The following CABLES2 variants were observed in gnomAD, a reference collection of about 807,000 sequenced individuals.
CABLES2 encodes CDK5 and ABL1 enzyme substrate 2.
Under a neutral mutation model 44.8 loss-of-function variants are expected in CABLES2, and 35 were observed. The ratio of observed to expected loss-of-function variants is 0.78; its 90% CI spans 0.60 to 1.04. The LOEUF is 1.04. CABLES2 is among the 50% of genes least tolerant of loss of function. The pLI, the probability that CABLES2 is intolerant of heterozygous loss-of-function variation, is 0.00. For synonymous variants in CABLES2, 282 were observed against 281.1 expected, an observed-to-expected ratio of 1.00 and a Z score of -0.03; for missense variants, 566 against 615.7, an observed-to-expected ratio of 0.92 and a Z score of 0.85.
chr20:62,391,009 C>T lies in CABLES2; in HGVS notation c.1399G>A (p.Val467Met), dbSNP rs1241484962. The change falls in exon 10 of 10, where the codon GTG (valine) becomes ATG (methionine). Residue 467 changes from valine to methionine, a missense_variant. Transcript: ENST00000279101. The surrounding 1 kb of genome is among the most constrained non-coding windows in gnomAD (Gnocchi z 5.7). ...GTGAGGCGCCTGTAATGAGGTAACA[C>T]TTGGTTCTCGGGAAGATACAGGGCC... is the stretch of plus-strand genomic sequence containing the variant. ...ELALYLPENQ[V>M]LPHYRRLTQQ... 1.2e-6 allele frequency: 2 copies of T among 1,614,030 alleles called. No homozygotes were observed. The highest frequency in any genetic ancestry group is 1.7e-6 in the Non-Finnish European group (2 of 1,180,038).
At chr20:62,401,556 T>C (rs1045311793) in intron 1 of CABLES2, among the ~76,000 whole-genome samples, 3 of 151,978 alleles carry the variant, frequency 2.0e-5, no homozygotes, top group African/African-American at 7.3e-5. Flanking sequence ...CCGGCAGACA[T>C]GGAGAGGATC....
intron 4 of CABLES2, among the ~76,000 whole-genome samples, chr20:62,394,630 C>T (rs990621209): frequency 2.0e-5 from 3 of 152,184 alleles, no homozygotes; most frequent in African/African-American, 4.8e-5. Flanking sequence ...CCCTGAATTA[C>T]GCACGGATAC....
chr20:62,398,549 TCTCCAGG>T, intron 1 of CABLES2, among the ~76,000 whole-genome samples: 1 of 152,164 alleles, frequency 6.6e-6, no homozygotes, highest in East Asian at 1.9e-4. Context: ...TTCTGGGAAC[TCTCCAGG>T]CTCCAGGCCA....
Position 62,390,575 on chromosome 20 carries a change from G to A in CABLES2, c.*396C>T, listed in dbSNP as rs1019345843. On this transcript the variant is annotated 3_prime_UTR_variant, in exon 10 of 10. Transcript: ENST00000279101. ...TAGAAACCCAGATCTCCACCCTGAC[G>A]CTGTGGTGGCTGCGGTGGTTTGCAG... 32 of 218,118 alleles carry A rather than the reference G, an allele frequency of 1.5e-4. No homozygotes were observed. The highest frequency in any genetic ancestry group is 6.7e-4 in the African/African-American group (30 of 44,750). 13.5% of individuals were successfully genotyped at this position (218,118 alleles called of 1,614,324 possible).
rs1248216551 is a variant in CABLES2 at position 62,407,142 on chromosome 20, G to T, written c.135C>A (p.Arg45=). The change falls in exon 1 of 10, where the codon CGC becomes CGA. Residue 45 remains arginine, a synonymous_variant. Coordinates refer to ENST00000279101, the MANE Select transcript of CABLES2 (RefSeq NM_031215.3). ...TGTTGAGGAAGAAAAGCGCGGCCTG[G>T]CGGCGCCGCGAGTCCCCGCGCCTCC... ...ALRRRGDSRR[R]QAALFFLNNI... is the part of the protein sequence containing the mutation. 1 of 1,020,618 alleles carries T rather than the reference G, an allele frequency of 9.8e-7. No homozygotes were observed. Among genetic ancestry groups the T allele is most frequent in the Non-Finnish European group, 1.2e-6 (1 of 851,726 alleles). 63.2% of individuals were successfully genotyped at this position (1,020,618 alleles called of 1,614,324 possible).
At chr20:62,394,866 G>T in intron 4 of CABLES2, 71 bp downstream of exon 4, 1 of 1,436,976 alleles carries the variant, frequency 7.0e-7, no homozygotes, top group Non-Finnish European at 9.6e-7. Flanking sequence ...TGCCTCCTGG[G>T]CCTGGCCGAG....
Position 62,392,388 on chromosome 20 carries a change from C to T in CABLES2, c.1091+1G>A. The T allele has an allele frequency of 3.1e-6, 5 of 1,611,206 alleles. No homozygotes were observed. Among genetic ancestry groups the T allele is most frequent in the South Asian group, 1.1e-5 (1 of 91,012 alleles). On this transcript the variant is annotated splice_donor_variant, in intron 8 of 9. Coordinates refer to ENST00000279101, the MANE Select transcript of CABLES2 (RefSeq NM_031215.3). LOFTEE classifies it high-confidence loss of function. The stretch of plus-strand genomic sequence containing the variant: ...GAGATGGTCTGAGAGGGTGTCCTCA[C>T]CTCCTGATTTTGCTCAGCGTCAGTT...
In CABLES2 at chr20:62,392,971, C is replaced by G; in HGVS notation, c.933G>C (p.Pro311=). 6.2e-7 allele frequency: 1 copy of G among 1,614,074 alleles called. No homozygotes were observed. Among genetic ancestry groups the G allele is most frequent in the Non-Finnish European group, 8.5e-7 (1 of 1,180,018 alleles). Reference sequence around the variant, plus strand: ...GTTTGTGCTTGCCGCAGGGCCACTGCGGGTCATCCAGGAGGTTGGGGTTGT... The same window carrying G: ...GTTTGTGCTTGCCGCAGGGCCACTGGGGGTCATCCAGGAGGTTGGGGTTGT... ...LEYNPNLLDD[P]QWPCGKHKRV... The change falls in exon 7 of 10, where the codon CCG becomes CCC. Residue 311 remains proline, a synonymous_variant. Transcript: ENST00000279101.
intron 3 of CABLES2, 60 bp from the exon 4 acceptor site, chr20:62,395,074 C>T: frequency 1.6e-6 from 2 of 1,238,830 alleles, no homozygotes; most frequent in South Asian, 1.2e-5. Flanking sequence ...GGTACTGCTG[C>T]TTCCAGAGCT....
intron 3 of CABLES2, 87 bp from the exon 4 acceptor site, chr20:62,395,101 A>T (rs1987993877): frequency 1.8e-6 from 2 of 1,083,432 alleles, no homozygotes; most frequent in African/African-American, 1.6e-5. Context: ...ATTTCCATGG[A>T]AAATTCCTTC....
intron 4 of CABLES2, among the ~76,000 whole-genome samples, 167 bp downstream of exon 4, chr20:62,394,770 T>C (rs1987985716): frequency 6.6e-6 from 1 of 152,080 alleles, no homozygotes; most frequent in African/African-American, 2.4e-5. Context: ...CGGCCCCGGG[T>C]TCCTGAGGAG....
chr20:62,405,166 G>A (rs1988257819), intron 1 of CABLES2: 1 of 152,328 alleles, frequency 6.6e-6, no homozygotes, highest in African/African-American at 2.4e-5. Flanking sequence ...CAACATGCAG[G>A]ACTGAGGGAG....
At chr20:62,395,413 C>T (rs1363056506) in intron 3 of CABLES2, among the ~76,000 whole-genome samples, 5 of 152,024 alleles carry the variant, frequency 3.3e-5, no homozygotes, top group African/African-American at 1.2e-4. Context: ...AGGGCTGCCT[C>T]GAGCCAGACC....
intron 1 of CABLES2, among the ~76,000 whole-genome samples, chr20:62,401,538 C>T (rs146471799): frequency 4.6e-5 from 7 of 152,334 alleles, no homozygotes; most frequent in African/African-American, 1.2e-4. Flanking sequence ...AGAGAGGTGT[C>T]GGTGTGTCCG....
At chr20:62,393,793 C>T (rs1013476218) in intron 5 of CABLES2, among the ~76,000 whole-genome samples, 188 bp from the exon 6 acceptor site, 10 of 152,204 alleles carry the variant, frequency 6.6e-5, no homozygotes, top group Non-Finnish European at 1.0e-4. Context: ...TAGAACATTC[C>T]GGAACACTAC....
At chr20:62,402,937 T>C (rs1357805753) in intron 1 of CABLES2, 2 of 152,162 alleles carry the variant, frequency 1.3e-5, no homozygotes, top group Non-Finnish European at 2.9e-5. Flanking sequence ...AGATGCTGAA[T>C]TGGTTTAACT....
chr20:62,398,071 C>CGGTGGTGGT lies in CABLES2; in HGVS notation c.363-1488_363-1480dup, dbSNP rs71195454. ...GTGGTGATGGCGATGGTGGTGGTGA[C>CGGTGGTGGT]GGTGGTGGTGGTGGTGACGGTGGTG... On this transcript the variant is annotated intron_variant, in intron 1 of 9. Coordinates refer to ENST00000279101, the MANE Select transcript of CABLES2 (RefSeq NM_031215.3). Among the ~76,000 whole-genome samples, 13 of 68,232 alleles carry CGGTGGTGGT rather than the reference C, an allele frequency of 1.9e-4. 1 individual carries two copies. The highest frequency in any genetic ancestry group is 8.3e-4 in the East Asian group (1 of 1,206). 44.8% of individuals were successfully genotyped at this position (68,232 alleles called of 152,430 possible). A position where few individuals can be genotyped will look rare whatever the true frequency, so the allele number is the denominator to read the frequency against.
In CABLES2 at chr20:62,393,432, T is replaced by C. The variant is rs1987956554; in HGVS notation, c.880+8A>G. The C allele has an allele frequency of 6.3e-7, 1 of 1,583,770 alleles. No individual in the cohort carries two copies. Among genetic ancestry groups the C allele is most frequent in the East Asian group, 2.3e-5 (1 of 44,444 alleles). ...TGTTCCAGGCCGTGGTTAAGGCACG[T>C]GGGCTACCTAGTTCTGTGCTGGCTG... On this transcript the variant is annotated splice_region_variant and intron_variant, in intron 6 of 9. Coordinates refer to ENST00000279101, the MANE Select transcript of CABLES2 (RefSeq NM_031215.3).
At chr20:62,403,622 G>A (rs75942180) in intron 1 of CABLES2, 12,730 of 152,484 alleles carry the variant, frequency 0.083, 605 homozygotes, top group South Asian at 0.21. Context: ...ACCGGGTTTG[G>A]GAGGAGGGGG....
Sources: gnomAD v4.1 joint callset for allele counts (sites outside exome capture counted in the v4.1 genomes callset) on GRCh38, gnomAD v4.1.1 for gene constraint, Gnocchi (gnomAD v3.1) non-coding constraint, MANE v1.5 for transcripts, NCBI Gene and HGNC (gene_info 2026-07-23, HGNC 2026-07-21) for gene names.